Variants in CENPP observed in about 807,000 individuals in gnomAD.
CENPP encodes the protein centromere protein P.
Under a neutral mutation model 35.6 loss-of-function variants are expected in CENPP, and 24 were observed. The observed-to-expected ratio is 0.67, with a 90% CI of 0.49 to 0.95. CENPP has a LOEUF of 0.95. Among genes scored for constraint, CENPP ranks in the 40% least tolerant of loss-of-function variants. CENPP has a pLI of 0.00. For missense variants in CENPP, 332 were observed against 345.3 expected, an observed-to-expected ratio of 0.96 and a Z score of 0.31; for synonymous variants, 120 against 125.5, an observed-to-expected ratio of 0.96 and a Z score of 0.29.
At chr9:92,436,789 G>GT (rs1179541827) in intron 5 of CENPP, among the ~76,000 whole-genome samples, 1 of 152,030 alleles carries the variant, frequency 6.6e-6, no homozygotes, top group African/African-American at 2.4e-5. Context: ...TAGTTATATT[G>GT]TAAGTCTTGA....
At chr9:92,576,558 G>A (rs1850287278) in intron 5 of CENPP, among the ~76,000 whole-genome samples, 1 of 152,064 alleles carries the variant, frequency 6.6e-6, no homozygotes, top group Non-Finnish European at 1.5e-5. Context: ...TTGTATGCCT[G>A]TTTGTTGATG....
At position 92,614,973 on chromosome 9, in the gene CENPP, C is replaced by T. The variant is rs1291207376; in HGVS notation, c.*1824C>T. ...CTTGGTCTGGGAGGAAGAGAGAACTCGCTCCTCAACCACCCCAGACACTGG... is the reference window on the plus strand; with the variant it reads ...CTTGGTCTGGGAGGAAGAGAGAACTTGCTCCTCAACCACCCCAGACACTGG... On this transcript the variant is annotated 3_prime_UTR_variant, in exon 8 of 8. Transcript: ENST00000375587. The T allele has an allele frequency of 6.6e-6, 1 of 152,262 alleles. No individual in the cohort carries two copies. The highest frequency in any genetic ancestry group is 1.5e-5 in the Non-Finnish European group (1 of 68,068). The allele number at this position is 152,262 out of a possible 1,614,324, so 9.4% of individuals were successfully genotyped here.
At chr9:92,522,188 G>A (rs867913523) in intron 5 of CENPP, among the ~76,000 whole-genome samples, 4 of 152,060 alleles carry the variant, frequency 2.6e-5, no homozygotes, top group Admixed American at 6.5e-5. Context: ...CCAGGTTCAA[G>A]TGATTCTCCT....
At chr9:92,404,453 TTAAC>T (rs2130936380) in intron 5 of CENPP, 1 of 1,215,304 alleles carries the variant, frequency 8.2e-7, no homozygotes, top group South Asian at 1.4e-5. Context: ...CAGTCGCACT[TTAAC>T]AAACAATATT....
chr9:92,414,023 A>G (rs1015659836), intron 5 of CENPP, among the ~76,000 whole-genome samples: 3 of 152,222 alleles, frequency 2.0e-5, no homozygotes, highest in Non-Finnish European at 2.9e-5. Flanking sequence ...TTTGTCCCTT[A>G]TCTGAGAAAT....
intron 5 of CENPP, among the ~76,000 whole-genome samples, chr9:92,567,387 T>TATATAG (rs1554688288): frequency 1.2e-4 from 11 of 89,800 alleles, no homozygotes; most frequent in African/African-American, 5.5e-4. Flanking sequence ...TATATATATA[T>TATATAG]ATATATATAG....
At position 92,615,773 on chromosome 9, in the gene CENPP, A is replaced by C. The variant is rs1851409285; in HGVS notation, c.*2624A>C. On this transcript the variant is annotated 3_prime_UTR_variant, in exon 8 of 8. Coordinates refer to ENST00000375587, the MANE Select transcript of CENPP (RefSeq NM_001012267.3). ...AAGGTCACCCAACACAACAGAAAAT[A>C]TCTCTATCATTCAGCCTTCACATTA... The C allele has an allele frequency of 1.5e-6, 2 of 1,375,872 alleles. No individual in the cohort carries two copies. The highest frequency in any genetic ancestry group is 2.1e-6 in the Non-Finnish European group (2 of 969,926). The allele number at this position is 1,375,872 out of a possible 1,614,324, so 85.2% of individuals were successfully genotyped here.
chr9:92,464,855 A>G, intron 5 of CENPP: 1 of 1,167,006 alleles, frequency 8.6e-7, no homozygotes, highest in East Asian at 2.3e-5. Context: ...ACAATATTAG[A>G]TTGAATCGTT....
chr9:92,378,142 A>G (rs894445580), intron 4 of CENPP, among the ~76,000 whole-genome samples: 5 of 152,328 alleles, frequency 3.3e-5, no homozygotes, highest in African/African-American at 4.8e-5. Context: ...TTCCAATAGC[A>G]GTACCCGATT....
chr9:92,495,519 T>C (rs1846304222), intron 5 of CENPP: 7 of 983,556 alleles, frequency 7.1e-6, no homozygotes, highest in African/African-American at 1.7e-5. Context: ...ATAATTAATT[T>C]GTATTTTAAG....
intron 5 of CENPP, among the ~76,000 whole-genome samples, chr9:92,565,278 TG>T (rs1273739890): frequency 1.0e-5 from 1 of 99,820 alleles, no homozygotes; most frequent in South Asian, 3.3e-4. Flanking sequence ...ACTAACACTA[TG>T]ATAGCTGATG....
intron 5 of CENPP, among the ~76,000 whole-genome samples, chr9:92,389,192 C>T (rs1842565835): frequency 6.6e-6 from 1 of 152,146 alleles, no homozygotes; most frequent in African/African-American, 2.4e-5. Context: ...GGAATGATTA[C>T]ATCAGAGCTA....
At chr9:92,329,617 C>T (rs1840678241) in intron 1 of CENPP, among the ~76,000 whole-genome samples, 1 of 152,150 alleles carries the variant, frequency 6.6e-6, no homozygotes, top group African/African-American at 2.4e-5. Context: ...TCACTGCAAC[C>T]TTCACCCACC....
intron 5 of CENPP, among the ~76,000 whole-genome samples, chr9:92,487,934 A>G (rs981236049): frequency 3.3e-5 from 5 of 152,264 alleles, no homozygotes; most frequent in Non-Finnish European, 7.3e-5. Context: ...TTTCACTTTC[A>G]GTACAGCATT....
chr9:92,325,873 C>T (rs1297472354), upstream of CENPP: 8 of 705,350 alleles, frequency 1.1e-5, no homozygotes, highest in Admixed American at 5.1e-5. Context: ...AGCTCTCCCG[C>T]CTCCCCTCCG....
chr9:92,493,783 C>T (rs1846236354), intron 5 of CENPP: 2 of 200,484 alleles, frequency 1.0e-5, no homozygotes, highest in Non-Finnish European at 2.0e-5. Flanking sequence ...ATTATAAAAT[C>T]AGTAGAAATA....
At chr9:92,588,898 G>C (rs1377045780) in intron 5 of CENPP, among the ~76,000 whole-genome samples, 1 of 152,164 alleles carries the variant, frequency 6.6e-6, no homozygotes, top group Non-Finnish European at 1.5e-5. Context: ...TCCCTAGTCT[G>C]AGACGCCCAT....
chr9:92,567,401 T>TAGATAG (rs1564005622), intron 5 of CENPP, among the ~76,000 whole-genome samples: 1 of 124,366 alleles, frequency 8.0e-6, no homozygotes, highest in African/African-American at 3.0e-5. Flanking sequence ...TATATAGATA[T>TAGATAG]ATATATAAAG....
chr9:92,329,245 C>A (rs1031058433), intron 1 of CENPP, among the ~76,000 whole-genome samples: 1 of 139,040 alleles, frequency 7.2e-6, no homozygotes, highest in Non-Finnish European at 1.5e-5. Flanking sequence ...AGTGTGGTGG[C>A]GCAACCTCAG....
Sources: gnomAD v4.1 joint callset for allele counts (sites outside exome capture counted in the v4.1 genomes callset) on GRCh38, gnomAD v4.1.1 for gene constraint, MANE v1.5 for transcripts, NCBI Gene and HGNC (gene_info 2026-07-23, HGNC 2026-07-21) for gene names.